CSMD1: variants seen among roughly 807,000 people sequenced by gnomAD.
The protein encoded by CSMD1 is CUB and sushi domain-containing protein 1.
Under a neutral mutation model 417.5 loss-of-function variants are expected in CSMD1, and 213 were observed. The ratio of observed to expected loss-of-function variants is 0.51; its 90% confidence interval spans 0.46 to 0.57. The LOEUF (loss-of-function observed/expected upper bound fraction) is 0.57. Among genes scored for constraint, CSMD1 ranks in the 20% least tolerant of loss-of-function variants. The pLI, the probability that CSMD1 is intolerant of heterozygous loss-of-function variation, is 0.00. For missense variants in CSMD1, 6,923 were observed against 4,529.7 expected (o/e 1.53, Z -15.17); for synonymous variants, 2,862 against 1,736.8 (o/e 1.65, Z -16.11).
chr8:3,694,915 C>T (rs1483211733), intron 7 of CSMD1, among the ~76,000 whole-genome samples: 3 of 151,996 alleles, frequency 2.0e-5, no homozygotes, highest in Admixed American at 6.6e-5. Context: ...AATCGCACAT[C>T]ATTAGCACCA....
At chr8:2,974,888 A>G (rs1188118813) in intron 55 of CSMD1, among the ~76,000 whole-genome samples, 1 of 152,154 alleles carries the variant, frequency 6.6e-6, no homozygotes, top group African/African-American at 2.4e-5. Context: ...TTACATGTGG[A>G]TTTTCAAGGA....
At chr8:4,709,566 C>A (rs566847112) in intron 1 of CSMD1, among the ~76,000 whole-genome samples, 7 of 152,168 alleles carry the variant, frequency 4.6e-5, no homozygotes, top group Non-Finnish European at 8.8e-5. Flanking sequence ...CGTTGCTCAC[C>A]GTGGATGGGA....
chr8:3,921,140 T>C lies in CSMD1; in HGVS notation c.818+76763A>G, dbSNP rs554774982. On this transcript the variant is annotated intron_variant, in intron 5 of 69. Coordinates refer to ENST00000635120, the MANE Select transcript of CSMD1 (RefSeq NM_033225.6). The stretch of plus-strand genomic sequence containing the variant: ...AAGGTTGAACACTGACACATTTCCC[T>C]TATTTGTATTGACCCTTTGAGATTT... Among the ~76,000 whole-genome samples the C allele has an allele frequency of 5.3e-5, 8 of 152,320 alleles. No homozygotes were observed. In the East Asian group the frequency reaches 1.5e-3, roughly 29 times the overall value.
In CSMD1 at chr8:4,406,178, T is replaced by G. The variant is rs1291585656; in HGVS notation, c.415+13775A>C. ...CACATTAGAATTTAGATATGCTGAG[T>G]AGGATTTTTCCACTGGCACCGCATT... is the stretch of plus-strand genomic sequence containing the variant. On this transcript the variant is annotated intron_variant, in intron 3 of 69. Coordinates refer to ENST00000635120, the MANE Select transcript of CSMD1 (RefSeq NM_033225.6). 2.0e-5 allele frequency among the ~76,000 whole-genome samples: 3 copies of G among 152,158 alleles called. No individual in the cohort carries two copies. In the East Asian group the frequency reaches 5.8e-4, roughly 29 times the overall value.
chr8:4,042,662 A>G (rs920264407), intron 3 of CSMD1, among the ~76,000 whole-genome samples: 45 of 151,798 alleles, frequency 3.0e-4, no homozygotes, highest in African/African-American at 1.0e-3. Flanking sequence ...TTAAAACACT[A>G]TTAGCTGTTT....
At chr8:3,354,819 A>T (rs1346377071) in intron 21 of CSMD1, among the ~76,000 whole-genome samples, 7 of 123,086 alleles carry the variant, frequency 5.7e-5, no homozygotes, top group Non-Finnish European at 1.7e-5. Flanking sequence ...CTCTATATAT[A>T]TCTATAGATA....
intron 2 of CSMD1, among the ~76,000 whole-genome samples, chr8:4,453,214 GAGAC>G (rs756385680): frequency 3.2e-5 from 3 of 94,966 alleles, no homozygotes; most frequent in Non-Finnish European, 7.1e-5. Flanking sequence ...GACACACACA[GAGAC>G]ACACACACAC....
chr8:4,654,812 C>A (rs902850903), intron 1 of CSMD1, among the ~76,000 whole-genome samples: 1 of 151,912 alleles, frequency 6.6e-6, no homozygotes, highest in Non-Finnish European at 1.5e-5. Context: ...TCATCTTTCA[C>A]TGGTGAAAAT....
At chr8:4,460,827 G>A (rs1399584439) in intron 2 of CSMD1, among the ~76,000 whole-genome samples, 1 of 152,204 alleles carries the variant, frequency 6.6e-6, no homozygotes, top group East Asian at 1.9e-4. Flanking sequence ...GGCTTCACTG[G>A]TGAATTCTAC....
intron 10 of CSMD1, among the ~76,000 whole-genome samples, chr8:3,509,519 G>C (rs1252654794): frequency 6.6e-6 from 1 of 152,098 alleles, no homozygotes; most frequent in East Asian, 1.9e-4. Flanking sequence ...AATGAAGAAG[G>C]TAGGCTATTC....
At chr8:3,206,175 T>G (rs1411352673) in intron 30 of CSMD1, among the ~76,000 whole-genome samples, 1 of 149,980 alleles carries the variant, frequency 6.7e-6, no homozygotes, top group Non-Finnish European at 1.5e-5. Flanking sequence ...ACTAAAAGAA[T>G]CCATCATTAG....
At chr8:3,257,128 C>T (rs1408634178) in intron 26 of CSMD1, among the ~76,000 whole-genome samples, 1 of 152,136 alleles carries the variant, frequency 6.6e-6, no homozygotes, top group African/African-American at 2.4e-5. Context: ...TTGAGACCAG[C>T]CTGGCCAACA....
chr8:4,077,307 A>ATATATATATATATATATATATATGTG (rs1799881793), intron 3 of CSMD1, among the ~76,000 whole-genome samples: 1 of 141,516 alleles, frequency 7.1e-6, no homozygotes, highest in Non-Finnish European at 1.5e-5. Flanking sequence ...GTATATATAT[A>ATATATATATATATATATATATATGTG]TATATATATA....
intron 1 of CSMD1, among the ~76,000 whole-genome samples, chr8:4,844,649 A>G (rs1304495116): frequency 6.6e-6 from 1 of 152,222 alleles, no homozygotes; most frequent in Admixed American, 6.5e-5. Flanking sequence ...TGCAAAAAAT[A>G]TAATTTTTTA....
intron 3 of CSMD1, among the ~76,000 whole-genome samples, chr8:4,175,193 T>C (rs1441107343): frequency 1.3e-5 from 2 of 152,090 alleles, no homozygotes; most frequent in African/African-American, 4.8e-5. Context: ...TACTTCTTAC[T>C]GGGGAAAATT....
At chr8:4,827,193 G>A (rs569329722) in intron 1 of CSMD1, among the ~76,000 whole-genome samples, 10 of 152,222 alleles carry the variant, frequency 6.6e-5, no homozygotes, top group Non-Finnish European at 1.3e-4. Flanking sequence ...CAATATAACT[G>A]AAAACCTCAG....
intron 41 of CSMD1, among the ~76,000 whole-genome samples, chr8:3,118,937 C>T (rs937153840): frequency 1.5e-5 from 2 of 134,736 alleles, no homozygotes; most frequent in African/African-American, 2.5e-5. Context: ...TCCCAGCACT[C>T]TGGGAGGCCG....
intron 5 of CSMD1, among the ~76,000 whole-genome samples, chr8:3,926,448 A>T (rs1053529028): frequency 6.6e-6 from 1 of 152,140 alleles, no homozygotes; most frequent in Admixed American, 6.6e-5. Context: ...TGTTATAAAT[A>T]TTTGTTGAAT....
chr8:4,405,258 G>T lies in CSMD1; in HGVS notation c.415+14695C>A, dbSNP rs547099832. Among the ~76,000 whole-genome samples the T allele has an allele frequency of 2.4e-4, 36 of 152,148 alleles. No individual in the cohort carries two copies. The East Asian group carries it at 4.8e-3, about 20-fold the overall frequency. On this transcript the variant is annotated intron_variant, in intron 3 of 69. Coordinates refer to ENST00000635120, the MANE Select transcript of CSMD1 (RefSeq NM_033225.6). ...ATGGAAATGCTTAGCTTGGAAAAGA[G>T]AAGTCAAAAAAGGAAAATGATATTA...
Sources: allele counts gnomAD v4.1 joint callset (sites outside exome capture counted in the v4.1 genomes callset), GRCh38; gene constraint gnomAD v4.1.1; transcripts MANE v1.5; gene names NCBI Gene and HGNC (gene_info 2026-07-23, HGNC 2026-07-21).